Variants in STRADB observed in about 807,000 individuals in gnomAD.
The protein encoded by STRADB is STE20-related kinase adapter protein beta.
In STRADB, 34 loss-of-function variants were observed where a neutral mutation model predicts 52.1. The observed-to-expected ratio is 0.65, with a 90% confidence interval of 0.50 to 0.87. The LOEUF is 0.87. Among genes scored for constraint, STRADB ranks in the 40% least tolerant of loss-of-function variants. The pLI is 0.00. For synonymous variants in STRADB, 133 were observed against 174.5 expected (o/e 0.76, Z 1.87); for missense variants, 340 against 483.9 (o/e 0.70, Z 2.79).
rs1574288976 is a variant in STRADB, at chr2:201,470,037, C to G, written c.178C>G (p.Leu60Val). ...LCSTNVSHYE[L>V]QVEIGRGFDN... is the part of the protein sequence containing the mutation. ...TTCCACCAACGTTTCTCACTATGAG[C>G]TCCAAGTAGAAATAGGTAATAATCC... The change falls in exon 4 of 12, where the codon CTC becomes GTC. Residue 60 changes from leucine (L) to valine (V), a missense_variant. Coordinates refer to ENST00000194530, the MANE Select transcript of STRADB (RefSeq NM_018571.6). 4.3e-6 allele frequency: 7 copies of G among 1,612,318 alleles called. No individual in the cohort carries two copies. The highest frequency in any genetic ancestry group is 5.1e-6 in the Non-Finnish European group (6 of 1,178,354).
Position 201,479,542 on chromosome 2 carries a change from C to G in STRADB, c.1113+11C>G, listed in dbSNP as rs760338458. The stretch of plus-strand genomic sequence containing the variant: ...GTTTTCTTCAAACAGGTGAGCTGAT[C>G]TATCATCCGTTGTCTCGATGTTTTT... On this transcript the variant is annotated intron_variant, in intron 11 of 11. Coordinates refer to ENST00000194530, the MANE Select transcript of STRADB (RefSeq NM_018571.6). The G allele has an allele frequency of 6.3e-7, 1 of 1,598,606 alleles. No individual in the cohort carries two copies. Among genetic ancestry groups the G allele is most frequent in the Non-Finnish European group, 8.5e-7 (1 of 1,176,380 alleles).
Position 201,469,947 on chromosome 2 carries a change from A to G in STRADB, c.94-6A>G, listed in dbSNP as rs1402221586. The G allele has an allele frequency of 1.2e-6, 2 of 1,610,972 alleles. No individual in the cohort carries two copies. Among genetic ancestry groups the G allele is most frequent in the Non-Finnish European group, 1.7e-6 (2 of 1,178,172 alleles). ...ATTTTGTTTTTATCTTTAAAAACAA[A>G]TGCAGGTTGATGAGCCAACCCTTTC... On this transcript the variant is annotated splice_polypyrimidine_tract_variant and splice_region_variant and intron_variant, in intron 3 of 11. Transcript: ENST00000194530.
chr2:201,479,367 C>T, intron 10 of STRADB, 122 bp from the exon 11 acceptor site: 1 of 850,298 alleles, frequency 1.2e-6, no homozygotes, highest in Non-Finnish European at 1.8e-6. Flanking sequence ...GACATACATT[C>T]TTTTTAATCT....
intron 6 of STRADB, among the ~76,000 whole-genome samples, chr2:201,475,260 A>G (rs1559468160): frequency 6.6e-6 from 1 of 152,218 alleles, no homozygotes; most frequent in Non-Finnish European, 1.5e-5. Context: ...AGTAGTGTTC[A>G]ATAATTGTGT....
intron 3 of STRADB, among the ~76,000 whole-genome samples, chr2:201,462,392 A>G (rs796859357): frequency 2.6e-4 from 40 of 152,246 alleles, no homozygotes; most frequent in African/African-American, 9.4e-4. Context: ...AGTTTAATCC[A>G]TTGACATTCA....
At chr2:201,459,302 T>C (rs975849387) in intron 3 of STRADB, among the ~76,000 whole-genome samples, 3 of 152,168 alleles carry the variant, frequency 2.0e-5, no homozygotes, top group African/African-American at 2.4e-5. Context: ...CTCAGATTTT[T>C]ACCTGCAACC....
intron 8 of STRADB, 137 bp from the exon 9 acceptor site, chr2:201,477,950 A>T: frequency 8.6e-7 from 1 of 1,161,052 alleles, no homozygotes; most frequent in South Asian, 1.5e-5. Context: ...AATACCATAT[A>T]TGAAGTGTGT....
chr2:201,476,690 A>C (rs1952477645), intron 7 of STRADB, among the ~76,000 whole-genome samples: 1 of 151,626 alleles, frequency 6.6e-6, no homozygotes, highest in African/African-American at 2.4e-5. Flanking sequence ...AAATAGTGAA[A>C]TTGGCCAGGC....
chr2:201,473,170 T>C (rs1414015514), intron 5 of STRADB, 94 bp downstream of exon 5: 1 of 1,101,068 alleles, frequency 9.1e-7, no homozygotes, highest in Non-Finnish European at 1.2e-6. Flanking sequence ...AAAATATATA[T>C]TTTAAAATAA....
intron 2 of STRADB, among the ~76,000 whole-genome samples, chr2:201,457,885 G>A (rs577541497): frequency 1.2e-4 from 19 of 152,180 alleles, no homozygotes; most frequent in African/African-American, 4.1e-4. Flanking sequence ...TTAGCGGGGC[G>A]TGGTGGCAGG....
intron 9 of STRADB, 72 bp downstream of exon 9, chr2:201,478,263 A>C: frequency 6.3e-7 from 1 of 1,591,304 alleles, no homozygotes; most frequent in Non-Finnish European, 8.6e-7. Context: ...ATTTCTGTTA[A>C]ACATGTTTGC....
intron 10 of STRADB, among the ~76,000 whole-genome samples, chr2:201,478,931 G>C (rs1380807711): frequency 6.6e-6 from 1 of 151,866 alleles, no homozygotes; most frequent in Non-Finnish European, 1.5e-5. Context: ...AAAATTAGCC[G>C]GTGTGGTGGC....
In STRADB at chr2:201,466,870, G is replaced by A. The variant is rs900899297; in HGVS notation, c.94-3083G>A. Among the ~76,000 whole-genome samples, 12 of 152,184 alleles carry A rather than the reference G, an allele frequency of 7.9e-5. No individual in the cohort carries two copies. In the East Asian group the frequency reaches 2.3e-3, roughly 29 times the overall value. On this transcript the variant is annotated intron_variant, in intron 3 of 11. Transcript: ENST00000194530. The stretch of plus-strand genomic sequence containing the variant: ...TTCATTGTAGAAATTTAAATAAAAA[G>A]AGCTCCATCATAGAAAAATAGTCAT...
At position 201,469,970 on chromosome 2, in the gene STRADB, T is replaced by C. The variant is rs1952364193; in HGVS notation, c.111T>C (p.Leu37=). The C allele has an allele frequency of 6.2e-7, 1 of 1,613,674 alleles. No individual in the cohort carries two copies. The highest frequency in any genetic ancestry group is 1.1e-5 in the South Asian group (1 of 91,066). Residue 37 remains leucine, a synonymous_variant, in exon 4 of 12, where the codon CTT becomes CTC. Coordinates refer to ENST00000194530, the MANE Select transcript of STRADB (RefSeq NM_018571.6). ...AAATGCAGGTTGATGAGCCAACCCT[T>C]TCCTGGTCACGTCCATCCACTAGAG... ...IHQYLVDEPT[L]SWSRPSTRAS... is the part of the protein sequence containing the mutation.
intron 2 of STRADB, among the ~76,000 whole-genome samples, chr2:201,455,566 C>G (rs1051560546): frequency 6.6e-6 from 1 of 151,810 alleles, no homozygotes; most frequent in Non-Finnish European, 1.5e-5. Context: ...ATTAGCCAGA[C>G]GTAGTGTCAT....
chr2:201,470,161 C>A, intron 4 of STRADB, 109 bp downstream of exon 4: 1 of 767,386 alleles, frequency 1.3e-6, no homozygotes, highest in Non-Finnish European at 2.2e-6. Context: ...CAGCATAAAA[C>A]TAGATGCTAA....
chr2:201,453,954 A>T (rs915113902), intron 1 of STRADB, among the ~76,000 whole-genome samples: 6 of 152,210 alleles, frequency 3.9e-5, no homozygotes, highest in African/African-American at 1.4e-4. Flanking sequence ...TTTAGCAATA[A>T]AATTGGATAT....
chr2:201,464,068 G>A (rs564780267), intron 3 of STRADB, among the ~76,000 whole-genome samples: 17 of 152,044 alleles, frequency 1.1e-4, no homozygotes, highest in East Asian at 5.8e-4. Context: ...CTGTCACTTC[G>A]GGATTGGTCA....
Position 201,451,854 on chromosome 2 carries a change from C to T in STRADB, c.-180C>T, listed in dbSNP as rs1229316773. The T allele has an allele frequency of 6.6e-6, 1 of 152,322 alleles. No individual in the cohort carries two copies. The allele number at this position is 152,322 out of a possible 1,614,324, so 9.4% of individuals were successfully genotyped here. ...AGCGGGCCTAGAGCGCTCGCCTCGC[C>T]CCTCCGCGAGCAGGGCTCTGGCGCC... On this transcript the variant is annotated 5_prime_UTR_variant, in exon 1 of 12. Coordinates refer to ENST00000194530, the MANE Select transcript of STRADB (RefSeq NM_018571.6).
Sources: allele counts gnomAD v4.1 joint callset (sites outside exome capture counted in the v4.1 genomes callset), GRCh38; gene constraint gnomAD v4.1.1; transcripts MANE v1.5; gene names NCBI Gene and HGNC (gene_info 2026-07-23, HGNC 2026-07-21).